The following PKLR variants were observed in gnomAD, a reference collection of about 807,000 sequenced individuals.
PKLR encodes the protein pyruvate kinase L/R, also known as pyruvate kinase PKLR.
PKLR carries 38 observed loss-of-function variants against 53.6 expected under a neutral mutation model. That is an observed-to-expected ratio of 0.71 (90% CI 0.55 to 0.93). The LOEUF (loss-of-function observed/expected upper bound fraction) is 0.93, where lower values mean the gene tolerates loss of function less well. PKLR is among the 40% of genes least tolerant of loss of function. The pLI is 0.00. For synonymous variants in PKLR, 328 were observed against 316.2 expected (o/e 1.04, Z -0.39); for missense variants, 702 against 787.3 (o/e 0.89, Z 1.30).
intron 2 of PKLR, among the ~76,000 whole-genome samples, chr1:155,299,034 C>CTTTT (rs760148639): frequency 1.6e-5 from 1 of 60,982 alleles, no homozygotes; most frequent in Non-Finnish European, 3.0e-5. Flanking sequence ...TTCTTTCTTT[C>CTTTT]TCTTTCTTTC....
At chr1:155,304,250 C>T (rs1028788641), upstream of PKLR, among the ~76,000 whole-genome samples, 4 of 151,792 alleles carry the variant, frequency 2.6e-5, no homozygotes, top group African/African-American at 7.3e-5. Context: ...CTGGCTAACA[C>T]GGTAAAACCT....
chr1:155,299,470 T>C (rs915851216), intron 2 of PKLR, among the ~76,000 whole-genome samples: 1 of 146,612 alleles, frequency 6.8e-6, no homozygotes, highest in Non-Finnish European at 1.5e-5. Context: ...ATTACAGGCA[T>C]GAGCCACTGA....
At position 155,293,799 on chromosome 1, in the gene PKLR, C is replaced by T. The variant is rs1045117213; in HGVS notation, c.1117-209G>A. Among the ~76,000 whole-genome samples, 1 of 152,186 alleles carries T rather than the reference C, an allele frequency of 6.6e-6. No individual in the cohort carries two copies. Among genetic ancestry groups the T allele is most frequent in the Non-Finnish European group, 1.5e-5 (1 of 68,042 alleles). ...GGGGTCAAAGTATATTTAACTTTGT[C>T]GTTTGAGGATCAAACACTTTTCATC... is the stretch of plus-strand genomic sequence containing the variant. On this transcript the variant is annotated intron_variant, in intron 7 of 10. Coordinates refer to ENST00000342741, the MANE Select transcript of PKLR (RefSeq NM_000298.6). This position sits in a 1 kb window ranked among gnomAD's most constrained non-coding sequence, Gnocchi z 4.2.
chr1:155,305,776 C>T (rs1557968297), upstream of PKLR, among the ~76,000 whole-genome samples: 3 of 151,368 alleles, frequency 2.0e-5, no homozygotes, highest in African/African-American at 4.9e-5. Flanking sequence ...ACTACAGGCA[C>T]GCACCACAAT....
intron 9 of PKLR, 68 bp from the exon 10 acceptor site, chr1:155,292,005 G>A: frequency 6.9e-7 from 1 of 1,454,846 alleles, no homozygotes; most frequent in Non-Finnish European, 9.6e-7. Context: ...GAGAATCTTT[G>A]TTCCAGTTCC....
Position 155,293,360 on chromosome 1 carries a change from G to A in PKLR, c.1270-17C>T, listed in dbSNP as rs745550469. 1 of 1,614,236 alleles carries A rather than the reference G, an allele frequency of 6.2e-7. No homozygotes were observed. The highest frequency in any genetic ancestry group is 1.1e-5 in the South Asian group (1 of 91,090). ...CCGGGCAATCTGCAGGTGCCAGAAT[G>A]TTAGTCTGGGAAGGGGCACTGGGGT... On this transcript the variant is annotated splice_polypyrimidine_tract_variant and intron_variant, in intron 8 of 10. Coordinates refer to ENST00000342741, the MANE Select transcript of PKLR (RefSeq NM_000298.6). This position sits in a 1 kb window ranked among gnomAD's most constrained non-coding sequence, Gnocchi z 4.2.
At chr1:155,303,896 T>A, upstream of PKLR, among the ~76,000 whole-genome samples, 1 of 151,948 alleles carries the variant, frequency 6.6e-6, no homozygotes, top group East Asian at 1.9e-4. Context: ...TGGGGGCAAA[T>A]GGAGAAAGGG....
chr1:155,300,790 T>A, intron 1 of PKLR: 2 of 1,461,172 alleles, frequency 1.4e-6, no homozygotes, highest in Non-Finnish European at 9.4e-7. Flanking sequence ...ATCCTCTGAG[T>A]CTCCCCAGGC....
chr1:155,306,370 C>T (rs113914878), upstream of PKLR, among the ~76,000 whole-genome samples: 3 of 152,118 alleles, frequency 2.0e-5, no homozygotes, highest in South Asian at 4.1e-4. The surrounding 1 kb of genome is among the most constrained non-coding windows in gnomAD (Gnocchi z 4.2). Flanking sequence ...CCATATGGGC[C>T]GTGCCCCGAC....
intron 9 of PKLR, among the ~76,000 whole-genome samples, chr1:155,292,306 T>C (rs958456373): frequency 1.3e-5 from 2 of 150,128 alleles, no homozygotes; most frequent in African/African-American, 4.9e-5. Flanking sequence ...AATACAGATA[T>C]ATCAAATGAG....
chr1:155,304,606 C>T (rs991461441), upstream of PKLR, among the ~76,000 whole-genome samples: 2 of 152,070 alleles, frequency 1.3e-5, no homozygotes, highest in African/African-American at 2.4e-5. Context: ...AGTGGAACGG[C>T]AAAACAGCCG....
upstream of PKLR, among the ~76,000 whole-genome samples, chr1:155,305,509 G>A (rs192173136): frequency 5.5e-4 from 84 of 152,328 alleles, 1 homozygote; most frequent in African/African-American, 2.0e-3. Context: ...GTATATAGAA[G>A]ACACAACAAA....
rs1371038911 is a variant in PKLR, at chr1:155,290,533, G to A, written c.*39C>T. ...ACGTAGACTGGGGAGGAAGGGATGGGGTACAAGGGTAGGCTGGGCCAGAGG... is the reference window on the plus strand; with the variant it reads ...ACGTAGACTGGGGAGGAAGGGATGGAGTACAAGGGTAGGCTGGGCCAGAGG... On this transcript the variant is annotated 3_prime_UTR_variant, in exon 11 of 11. Coordinates refer to ENST00000342741, the MANE Select transcript of PKLR (RefSeq NM_000298.6). The A allele has an allele frequency of 2.5e-6, 3 of 1,208,094 alleles. No homozygotes were observed. Among genetic ancestry groups the A allele is most frequent in the Non-Finnish European group, 3.7e-6 (3 of 812,528 alleles). 74.8% of individuals were successfully genotyped at this position (1,208,094 alleles called of 1,614,324 possible).
chr1:155,293,052 C>T lies in PKLR; in HGVS notation c.1436+125G>A. On this transcript the variant is annotated intron_variant, in intron 9 of 10. Transcript: ENST00000342741. This position sits in a 1 kb window ranked among gnomAD's most constrained non-coding sequence, Gnocchi z 4.2. ...TCCTGGCCTCCAGCTGTCATTGCTGCCTCTCCTCTTGTCTCAGGTGGACAC... is the reference window on the plus strand; with the variant it reads ...TCCTGGCCTCCAGCTGTCATTGCTGTCTCTCCTCTTGTCTCAGGTGGACAC... The T allele has an allele frequency of 2.0e-6, 2 of 996,082 alleles. No individual in the cohort carries two copies. Among genetic ancestry groups the T allele is most frequent in the East Asian group, 4.9e-5 (2 of 40,692 alleles). 61.7% of individuals were successfully genotyped at this position (996,082 alleles called of 1,614,324 possible). A position where few individuals can be genotyped will look rare whatever the true frequency, so the allele number is the denominator to read the frequency against.
Position 155,301,362 on chromosome 1 carries a change from G to A in PKLR, c.34C>T (p.Leu12Phe). Residue 12 changes from leucine to phenylalanine, a missense_variant, in exon 1 of 11, where the codon CTT becomes TTT. Physicochemically the swap from Leu to Phe is conservative, Grantham distance 22. This residue lies in a region of PKLR where 519 missense variants were observed against 537.1 expected (regional missense o/e 0.97). Coordinates refer to ENST00000342741, the MANE Select transcript of PKLR (RefSeq NM_000298.6). ...TGGGACTTAGAGACCCATGACCGAA[G>A]CTGCAGGGATGATATGTTCTCCTGG... The part of the protein sequence containing the change: ...SIQENISSLQ[L>F]RSWVSKSQRD... The A allele has an allele frequency of 6.2e-7, 1 of 1,614,016 alleles. No homozygotes were observed. Among genetic ancestry groups the A allele is most frequent in the Non-Finnish European group, 8.5e-7 (1 of 1,179,900 alleles).
intron 2 of PKLR, among the ~76,000 whole-genome samples, chr1:155,297,103 C>T (rs937595828): frequency 6.6e-6 from 1 of 152,122 alleles, no homozygotes; most frequent in East Asian, 1.9e-4. Context: ...CGTTAGATAC[C>T]CTGTTCTCTT....
rs974898528 is a variant in PKLR, at chr1:155,291,782, C to T, written c.1592G>A (p.Arg531His). ...ACTTTCAATGCCAAATTGCACCCGG[C>T]GATCTACATCATCTGCCCAGATGGC... The part of the protein sequence containing the change: ...PEAIWADDVD[R>H]RVQFGIESGK... Residue 531 changes from arginine to histidine, a missense_variant, in exon 10 of 11, where the codon CGC (arginine) becomes CAC (histidine). By Grantham distance (29) the Arg-to-His change is conservative. This residue lies in a region of PKLR where 183 missense variants were observed against 250.2 expected (regional missense o/e 0.73). Coordinates refer to ENST00000342741, the MANE Select transcript of PKLR (RefSeq NM_000298.6). The T allele has an allele frequency of 6.2e-6, 10 of 1,613,426 alleles. No individual in the cohort carries two copies. The highest frequency in any genetic ancestry group is 2.7e-5 in the African/African-American group (2 of 74,604).
intron 9 of PKLR, among the ~76,000 whole-genome samples, chr1:155,292,831 A>G (rs1209511042): frequency 6.6e-6 from 1 of 152,168 alleles, no homozygotes; most frequent in Non-Finnish European, 1.5e-5. Context: ...ACAGCAGGCT[A>G]ATAGAGCTAC....
At chr1:155,291,121 A>T (rs865910115) in intron 10 of PKLR, among the ~76,000 whole-genome samples, 2 of 152,166 alleles carry the variant, frequency 1.3e-5, no homozygotes, top group Middle Eastern at 3.4e-3. Context: ...CTTTCACCAC[A>T]TCAAGGCCAT....
Sources: allele counts gnomAD v4.1 joint callset (sites outside exome capture counted in the v4.1 genomes callset), GRCh38; gene constraint gnomAD v4.1.1; regional missense constraint gnomAD v4.1.1; non-coding constraint Gnocchi (gnomAD v3.1); transcripts MANE v1.5; gene names NCBI Gene and HGNC (gene_info 2026-07-23, HGNC 2026-07-21).